The following KHDRBS2 variants were observed in gnomAD, a reference collection of about 807,000 sequenced individuals.
KHDRBS2 encodes the protein KH domain-containing, RNA-binding, signal transduction-associated protein 2.
In KHDRBS2, 26 loss-of-function variants were observed where a neutral mutation model predicts 44.3. That is an observed-to-expected ratio of 0.59 (90% CI 0.43 to 0.81). The LOEUF is 0.81. Among genes scored for constraint, KHDRBS2 ranks in the 40% least tolerant of loss-of-function variants. The probability of loss-of-function intolerance (pLI) is 0.00; values close to 1 mark genes in which losing one functional copy is unlikely to be tolerated. For missense variants in KHDRBS2, 476 were observed against 433.1 expected (o/e 1.10, Z -0.88); for synonymous variants, 194 against 151.1 (o/e 1.28, Z -2.08).
chr6:62,098,321 G>A (rs981869061), intron 2 of KHDRBS2, among the ~76,000 whole-genome samples: 13 of 145,576 alleles, frequency 8.9e-5, no homozygotes, highest in African/African-American at 3.0e-4. Context: ...TTTCTTATAA[G>A]ACAGATCTGG....
intron 6 of KHDRBS2, among the ~76,000 whole-genome samples, chr6:61,875,854 C>T (rs1004594701): frequency 1.3e-5 from 2 of 151,504 alleles, no homozygotes; most frequent in African/African-American, 2.4e-5. Context: ...TTATAATTAC[C>T]CTCTTATATT....
At chr6:62,247,587 T>C (rs1835809034) in intron 1 of KHDRBS2, among the ~76,000 whole-genome samples, 1 of 151,906 alleles carries the variant, frequency 6.6e-6, no homozygotes, top group Non-Finnish European at 1.5e-5. Flanking sequence ...CCCAGCAAAC[T>C]TGGATTCCAG....
chr6:61,571,580 G>T, the KHDRBS2 span, among the ~76,000 whole-genome samples: 2 of 152,066 alleles, frequency 1.3e-5, no homozygotes, highest in Non-Finnish European at 2.9e-5. Context: ...GACGTTTACA[G>T]AACACTTGAC....
the KHDRBS2 span, among the ~76,000 whole-genome samples, chr6:61,556,873 T>A: frequency 1.1e-4 from 1 of 8,834 alleles, no homozygotes; most frequent in East Asian, 8.3e-3. Context: ...GAAATTGAGA[T>A]TTTTTTTTTT....
At chr6:62,155,731 T>C (rs1276316697) in intron 2 of KHDRBS2, among the ~76,000 whole-genome samples, 1 of 152,250 alleles carries the variant, frequency 6.6e-6, no homozygotes, top group Non-Finnish European at 1.5e-5. Flanking sequence ...TATAGTTGTT[T>C]TTAAAATGAA....
intron 4 of KHDRBS2, among the ~76,000 whole-genome samples, chr6:61,972,730 C>T (rs115764518): frequency 0.013 from 1,984 of 152,270 alleles, 14 homozygotes; most frequent in Non-Finnish European, 0.017. Context: ...GAACTCCTGC[C>T]GTCAGCCAGT....
intron 8 of KHDRBS2, among the ~76,000 whole-genome samples, chr6:61,695,193 T>G (rs184754366): frequency 1.3e-5 from 2 of 151,384 alleles, no homozygotes. Flanking sequence ...TTTTACCAAG[T>G]CTACTGAACC....
chr6:62,103,455 G>A (rs1346921853), intron 2 of KHDRBS2, among the ~76,000 whole-genome samples: 2 of 152,210 alleles, frequency 1.3e-5, no homozygotes, highest in South Asian at 2.1e-4. Flanking sequence ...TGGTCACAAT[G>A]TTGTTCTGCA....
chr6:61,960,066 C>T (rs186203908), intron 4 of KHDRBS2, among the ~76,000 whole-genome samples: 11 of 125,744 alleles, frequency 8.7e-5, no homozygotes, highest in East Asian at 2.5e-4. Flanking sequence ...TGTCCCTTCT[C>T]GCCAAATATT....
chr6:62,117,534 A>AT lies in KHDRBS2; in HGVS notation c.219+59650dup, dbSNP rs369487677. Among the ~76,000 whole-genome samples, 583 of 151,896 alleles carry AT rather than the reference A, an allele frequency of 3.8e-3. 2 individuals are homozygous for AT. The highest frequency in any genetic ancestry group is 0.014 in the African/African-American group (561 of 41,442). On this transcript the variant is annotated intron_variant, in intron 2 of 8. Coordinates refer to ENST00000281156, the MANE Select transcript of KHDRBS2 (RefSeq NM_152688.4). ...CTTGCTGGATGAATAATCTTCAAAT[A>AT]TTTTTTCCTATTCTGTGTGTTGTCT...
the KHDRBS2 span, among the ~76,000 whole-genome samples, chr6:61,617,220 T>C: frequency 6.6e-5 from 10 of 152,318 alleles, no homozygotes; most frequent in Admixed American, 5.9e-4. Flanking sequence ...CCATATCACA[T>C]TTTAAACTGT....
chr6:62,162,350 A>G (rs1817829647), intron 2 of KHDRBS2, among the ~76,000 whole-genome samples: 1 of 152,086 alleles, frequency 6.6e-6, no homozygotes, highest in Admixed American at 6.6e-5. Flanking sequence ...TTTGCTAGAT[A>G]TAAGATTCTT....
At chr6:61,957,863 C>T (rs1029320645) in intron 4 of KHDRBS2, among the ~76,000 whole-genome samples, 2 of 152,142 alleles carry the variant, frequency 1.3e-5, no homozygotes, top group African/African-American at 4.8e-5. Context: ...GGTTTTACTG[C>T]TCAGGGAGCA....
intron 4 of KHDRBS2, among the ~76,000 whole-genome samples, chr6:61,930,546 G>GAAAAAAAAAAAAAAAAAAAAAAAAAAA (rs1439236595): frequency 6.3e-5 from 3 of 47,566 alleles, no homozygotes; most frequent in African/African-American, 1.3e-4. Flanking sequence ...AAAAAAAAAA[G>GAAAAAAAAAAAAAAAAAAAAAAAAAAA]AAAAAAAAAA....
At chr6:61,786,570 G>A (rs938598150) in intron 6 of KHDRBS2, among the ~76,000 whole-genome samples, 24 of 151,656 alleles carry the variant, frequency 1.6e-4, no homozygotes, top group Middle Eastern at 6.8e-3. Flanking sequence ...TTAAAACAAA[G>A]TAACTATGGA....
intron 2 of KHDRBS2, among the ~76,000 whole-genome samples, chr6:62,069,338 A>T (rs537817093): frequency 6.6e-6 from 1 of 151,950 alleles, no homozygotes; most frequent in East Asian, 1.9e-4. Flanking sequence ...TGTAGTATTT[A>T]CTATGTTTAT....
chr6:61,829,604 A>G (rs1485291540), intron 6 of KHDRBS2, among the ~76,000 whole-genome samples: 1 of 152,232 alleles, frequency 6.6e-6, no homozygotes, highest in Admixed American at 6.5e-5. Flanking sequence ...AAAACTATTT[A>G]TCAGCAGGTC....
chr6:61,809,869 T>C (rs564129456), intron 6 of KHDRBS2, among the ~76,000 whole-genome samples: 2 of 152,332 alleles, frequency 1.3e-5, no homozygotes, highest in Middle Eastern at 3.4e-3. Context: ...TGAATATTTT[T>C]AGTTTCATCA....
intron 4 of KHDRBS2, among the ~76,000 whole-genome samples, chr6:61,976,370 G>A (rs1772660489): frequency 6.6e-6 from 1 of 152,076 alleles, no homozygotes; most frequent in Admixed American, 6.6e-5. Context: ...ATACTTACAA[G>A]AATCATTCTG....
Sources: allele counts gnomAD v4.1 joint callset (sites outside exome capture counted in the v4.1 genomes callset), GRCh38; gene constraint gnomAD v4.1.1; transcripts MANE v1.5; gene names NCBI Gene and HGNC (gene_info 2026-07-23, HGNC 2026-07-21).